TENM1: variants seen among roughly 807,000 people sequenced by gnomAD.
TENM1 encodes the protein teneurin transmembrane protein 1.
Under a neutral mutation model 174.8 loss-of-function variants are expected in TENM1, and 35 were observed. The ratio of observed to expected loss-of-function variants is 0.20; its 90% confidence interval spans 0.15 to 0.27. The LOEUF (loss-of-function observed/expected upper bound fraction) is 0.27. Ranked by LOEUF, TENM1 falls within the 10% of genes least tolerant of loss-of-function variation. The pLI is 1.00. For synonymous variants in TENM1, 781 were observed against 798.7 expected (o/e 0.98, Z 0.37); for missense variants, 1,633 against 2,130.1 (o/e 0.77, Z 4.59).
chrX:125,039,277 G>A, the TENM1 span, among the ~76,000 whole-genome samples: 4 of 111,123 alleles, frequency 3.6e-5, no homozygotes, highest in Non-Finnish European at 7.6e-5. Flanking sequence ...TAATTTTTAC[G>A]ATGATTTGTG....
chrX:124,716,350 A>G (rs2053181919), intron 4 of TENM1, among the ~76,000 whole-genome samples: 1 of 111,963 alleles, frequency 8.9e-6, no homozygotes, highest in African/African-American at 3.2e-5. Flanking sequence ...TGGTCCTGCG[A>G]CTGAGTTCTG....
chrX:125,072,827 G>A, the TENM1 span, among the ~76,000 whole-genome samples: 10 of 111,440 alleles, frequency 9.0e-5, no homozygotes, highest in African/African-American at 2.3e-4. Context: ...ATGCTCTTAC[G>A]CTACATTCAC....
At chrX:124,782,121 C>T (rs759218978) in intron 3 of TENM1, among the ~76,000 whole-genome samples, 11 of 111,433 alleles carry the variant, frequency 9.9e-5, no homozygotes, top group Non-Finnish European at 1.3e-4. Context: ...AAGACAGTGG[C>T]GCTACAAGGA....
intron 25 of TENM1, among the ~76,000 whole-genome samples, chrX:124,415,414 A>C (rs775216076): frequency 5.5e-4 from 61 of 111,531 alleles, no homozygotes; most frequent in African/African-American, 1.8e-3. Context: ...ATGGTTATTC[A>C]GCCTCCCTTT....
chrX:124,886,548 T>TATATAGAGAG (rs1187597592), intron 3 of TENM1, among the ~76,000 whole-genome samples: 1 of 59,993 alleles, frequency 1.7e-5, no homozygotes, highest in Non-Finnish European at 3.0e-5. Context: ...TATATATATA[T>TATATAGAGAG]AGAGAGAGAG....
the TENM1 span, among the ~76,000 whole-genome samples, chrX:125,020,990 A>G: frequency 1.8e-5 from 2 of 109,687 alleles, no homozygotes; most frequent in Non-Finnish European, 3.8e-5. Flanking sequence ...CACTTACCCC[A>G]TAGGTATATA....
intron 4 of TENM1, among the ~76,000 whole-genome samples, chrX:124,711,091 A>C (rs753104770): frequency 8.9e-6 from 1 of 112,018 alleles, no homozygotes; most frequent in Non-Finnish European, 1.9e-5. Context: ...AATGCAGTTC[A>C]AGAGTTTATG....
At chrX:124,994,704 T>C in the TENM1 span, among the ~76,000 whole-genome samples, 2 of 110,401 alleles carry the variant, frequency 1.8e-5, no homozygotes, top group Non-Finnish European at 3.8e-5. Flanking sequence ...ATCTTCTCTA[T>C]TGAATCTTTC....
chrX:124,577,959 T>C (rs1372296967), intron 11 of TENM1, among the ~76,000 whole-genome samples: 1 of 108,051 alleles, frequency 9.3e-6, no homozygotes, highest in Non-Finnish European at 1.9e-5. Flanking sequence ...AGGGTCTCAC[T>C]CCGTTGCCCA....
At chrX:125,013,043 C>T in the TENM1 span, among the ~76,000 whole-genome samples, 1 of 111,555 alleles carries the variant, frequency 9.0e-6, no homozygotes, top group Admixed American at 9.6e-5. Context: ...GTTTTGCCAT[C>T]AGAAAAACAG....
chrX:125,141,856 A>G, the TENM1 span, among the ~76,000 whole-genome samples: 2 of 110,629 alleles, frequency 1.8e-5, no homozygotes, highest in Non-Finnish European at 3.8e-5. Context: ...AGGACTGGAG[A>G]AAGGGTATGA....
exon 1 of TENM1, chrX:124,963,581 T>C (rs1286796467): frequency 8.3e-7 from 1 of 1,212,052 alleles, no homozygotes; most frequent in Non-Finnish European, 1.1e-6. Context: ...ACTCTGGCTA[T>C]TGTAATTCAT....
the TENM1 span, among the ~76,000 whole-genome samples, chrX:125,087,859 T>C: frequency 9.0e-6 from 1 of 111,163 alleles, no homozygotes; most frequent in African/African-American, 3.2e-5. Flanking sequence ...AATAAATAAA[T>C]GGTGGAGATG....
At chrX:124,952,340 GT>G (rs1229971839) in intron 1 of TENM1, among the ~76,000 whole-genome samples, 2 of 91,341 alleles carry the variant, frequency 2.2e-5, no homozygotes, top group African/African-American at 1.2e-4. Context: ...TATGGGGTGT[GT>G]GTGTGTGTGT....
Position 124,420,502 on chromosome X carries a change from G to A in TENM1, c.4791C>T (p.Arg1597=), listed in dbSNP as rs1036474708. Residue 1597 remains arginine, a synonymous_variant, in exon 25 of 32, where the codon CGC becomes CGT. Coordinates refer to ENST00000422452, the Ensembl canonical transcript of TENM1. Reference sequence around the variant, plus strand: ...ATAGCGGCATTCCGCCTGCATCACGGCGAATGTGCACTGAATTGCCATTGC... The same window carrying A: ...ATAGCGGCATTCCGCCTGCATCACGACGAATGTGCACTGAATTGCCATTGC... The A allele has an allele frequency of 5.0e-6, 6 of 1,212,004 alleles. No homozygotes were observed. In the Admixed American group the frequency reaches 6.5e-5, roughly 13 times the overall value.
intron 22 of TENM1, among the ~76,000 whole-genome samples, chrX:124,477,824 T>C (rs2046765057): frequency 8.9e-6 from 1 of 111,889 alleles, no homozygotes; most frequent in African/African-American, 3.2e-5. Flanking sequence ...AATTCCAGTG[T>C]TGTTATCTGT....
At chrX:124,537,781 T>C (rs995299783) in intron 15 of TENM1, among the ~76,000 whole-genome samples, 4 of 111,964 alleles carry the variant, frequency 3.6e-5, no homozygotes, top group African/African-American at 9.7e-5. Flanking sequence ...TACAAGCAAA[T>C]AGTATGACTG....
intron 3 of TENM1, among the ~76,000 whole-genome samples, chrX:124,848,907 G>C (rs2056663913): frequency 9.0e-6 from 1 of 111,608 alleles, no homozygotes; most frequent in Non-Finnish European, 1.9e-5. Context: ...CCTCTGGATA[G>C]GGGAAGGGGT....
At chrX:125,154,949 C>G in the TENM1 span, among the ~76,000 whole-genome samples, 2 of 111,487 alleles carry the variant, frequency 1.8e-5, no homozygotes, top group Non-Finnish European at 1.9e-5. Flanking sequence ...TGAGCAGCAG[C>G]AAGATTTATT....
Sources: gnomAD v4.1 joint callset for allele counts (sites outside exome capture counted in the v4.1 genomes callset) on GRCh38, gnomAD v4.1.1 for gene constraint, MANE v1.5 for transcripts, NCBI Gene and HGNC (gene_info 2026-07-23, HGNC 2026-07-21) for gene names.